PTGIS: variants seen among roughly 807,000 people sequenced by gnomAD.
PTGIS encodes prostacyclin synthase.
In PTGIS, 45 loss-of-function variants were observed where a neutral mutation model predicts 50.3. The ratio of observed to expected loss-of-function variants is 0.90; its 90% confidence interval spans 0.70 to 1.15. The LOEUF (loss-of-function observed/expected upper bound fraction) is 1.15, where lower values mean the gene tolerates loss of function less well. PTGIS is among the 50% of genes most tolerant of loss of function. The pLI is 0.00. For synonymous variants in PTGIS, 260 were observed against 267.7 expected (o/e 0.97, Z 0.28); for missense variants, 668 against 661.3 (o/e 1.01, Z -0.11).
At chr20:49,533,331 C>T (rs1601190207) in intron 5 of PTGIS, among the ~76,000 whole-genome samples, 2 of 152,008 alleles carry the variant, frequency 1.3e-5, no homozygotes, top group Non-Finnish European at 2.9e-5. Context: ...AAACAATGTT[C>T]AAATAAACAG....
chr20:49,541,210 C>T (rs944246881), intron 4 of PTGIS, among the ~76,000 whole-genome samples: 4 of 152,162 alleles, frequency 2.6e-5, no homozygotes, highest in East Asian at 3.9e-4. Flanking sequence ...GGCTGACCTG[C>T]GGTCCCACCT....
At chr20:49,558,137 C>T (rs1982665782) in intron 1 of PTGIS, among the ~76,000 whole-genome samples, 1 of 152,024 alleles carries the variant, frequency 6.6e-6, no homozygotes, top group Non-Finnish European at 1.5e-5. Flanking sequence ...GCCTATAATC[C>T]CAACACTCTG....
At chr20:49,520,136 C>T (rs1173112716) in intron 6 of PTGIS, among the ~76,000 whole-genome samples, 1 of 152,206 alleles carries the variant, frequency 6.6e-6, no homozygotes, top group Non-Finnish European at 1.5e-5. Flanking sequence ...GGCAGCTCTG[C>T]CTCCCCACCG....
At chr20:49,546,451 C>T (rs1262367920) in intron 3 of PTGIS, among the ~76,000 whole-genome samples, 1 of 152,226 alleles carries the variant, frequency 6.6e-6, no homozygotes, top group East Asian at 1.9e-4. Flanking sequence ...GGCCTTGCTT[C>T]AGCCTTAACT....
rs1413448589 is a variant in PTGIS, at chr20:49,539,795, T to C, written c.522-74A>G. On this transcript the variant is annotated intron_variant, in intron 4 of 9. Transcript: ENST00000244043. ...GTGGCCACAGCTACTCACAAGAGCT[T>C]CATTCATACACCCAGTGAGCAACTA... 5 of 1,530,494 alleles carry C rather than the reference T, an allele frequency of 3.3e-6. No individual in the cohort carries two copies. In the African/African-American group the frequency reaches 5.5e-5, roughly 17 times the overall value. The allele number at this position is 1,530,494 out of a possible 1,614,324, so 94.8% of individuals were successfully genotyped here.
intron 1 of PTGIS, among the ~76,000 whole-genome samples, chr20:49,567,696 C>G (rs967232858): frequency 2.1e-4 from 32 of 152,212 alleles, no homozygotes; most frequent in Non-Finnish European, 2.8e-4. Flanking sequence ...TGTCCCCGCA[C>G]GGCTCCCCAC....
At chr20:49,550,032 T>C (rs1479647343) in intron 2 of PTGIS, 34 bp downstream of exon 2, 3 of 1,613,788 alleles carry the variant, frequency 1.9e-6, no homozygotes, top group South Asian at 2.2e-5. Context: ...CAGCTGCTCA[T>C]CCCCATCCCT....
chr20:49,562,057 G>A (rs1982791458), intron 1 of PTGIS, among the ~76,000 whole-genome samples: 1 of 152,118 alleles, frequency 6.6e-6, no homozygotes, highest in East Asian at 1.9e-4. Context: ...TTTTACAGAG[G>A]AGGAAACTGA....
intron 5 of PTGIS, among the ~76,000 whole-genome samples, chr20:49,537,286 G>A (rs1194299772): frequency 1.3e-5 from 2 of 152,172 alleles, no homozygotes; most frequent in Non-Finnish European, 2.9e-5. Context: ...GGTTCCTACG[G>A]CCCCTGCACA....
intron 6 of PTGIS, 24 bp from the exon 7 acceptor site, chr20:49,514,419 A>G: frequency 1.2e-6 from 2 of 1,611,274 alleles, no homozygotes; most frequent in Non-Finnish European, 1.7e-6. Context: ...GGCCCCTGTT[A>G]TGCCATTATG....
chr20:49,527,269 A>G (rs1034174375), intron 5 of PTGIS, among the ~76,000 whole-genome samples: 8 of 146,322 alleles, frequency 5.5e-5, no homozygotes, highest in Non-Finnish European at 1.2e-4. Context: ...ACATGGTGAA[A>G]CCCTGTCTCT....
At chr20:49,531,221 A>C (rs1397819751) in intron 5 of PTGIS, among the ~76,000 whole-genome samples, 1 of 152,190 alleles carries the variant, frequency 6.6e-6, no homozygotes, top group Non-Finnish European at 1.5e-5. Flanking sequence ...CAAACCCCCC[A>C]AAAATAATTT....
At chr20:49,532,797 C>A (rs909049224) in intron 5 of PTGIS, among the ~76,000 whole-genome samples, 1 of 152,224 alleles carries the variant, frequency 6.6e-6, no homozygotes, top group African/African-American at 2.4e-5. Flanking sequence ...CACTTTGCAT[C>A]TCTGAGCCTC....
In PTGIS at chr20:49,548,014, C is replaced by G. The variant is rs747468355; in HGVS notation, c.204G>C (p.Leu68=). The stretch of plus-strand genomic sequence containing the variant: ...GAACGGTGACATACCTGCCCCCAAC[C>G]AGTATCTGTGGGAAGTTGCCAGGGA... ...KEKHGDIFTI[L]VGGRYVTVLL... The change falls in exon 3 of 10, where the codon CTG becomes CTC. Residue 68 remains leucine (L), a synonymous_variant. Coordinates refer to ENST00000244043, the MANE Select transcript of PTGIS (RefSeq NM_000961.4). The G allele has an allele frequency of 3.7e-6, 6 of 1,613,760 alleles. No individual in the cohort carries two copies. In the East Asian group the frequency reaches 1.3e-4, roughly 36 times the overall value.
intron 1 of PTGIS, among the ~76,000 whole-genome samples, chr20:49,565,013 C>T (rs1379304038): frequency 8.0e-5 from 12 of 150,858 alleles, no homozygotes; most frequent in Non-Finnish European, 1.3e-4. Context: ...CTCTGTCGCC[C>T]AGGCTGGAGT....
chr20:49,507,962 C>G lies in PTGIS; in HGVS notation c.1461G>C (p.Gln487His), dbSNP rs1981199786. 6.2e-7 allele frequency: 1 copy of G among 1,613,638 alleles called. No homozygotes were observed. The highest frequency in any genetic ancestry group is 8.5e-7 in the Non-Finnish European group (1 of 1,180,042). ...AGCGGACGGGCACGTCGTGTTCCGG[C>G]TGCATCAGACCGAAGCCGTACCTGC... ...DLSRYGFGLM[Q>H]PEHDVPVRYR... Residue 487 changes from glutamine (Q) to histidine (H), a missense_variant, in exon 10 of 10, where the codon CAG becomes CAC. Transcript: ENST00000244043.
intron 8 of PTGIS, among the ~76,000 whole-genome samples, chr20:49,512,677 A>T (rs1981357267): frequency 6.6e-6 from 1 of 152,168 alleles, no homozygotes; most frequent in Non-Finnish European, 1.5e-5. Flanking sequence ...AAATAAGGAA[A>T]ATGGCTGAGC....
At chr20:49,526,909 A>G (rs1981806703) in intron 5 of PTGIS, among the ~76,000 whole-genome samples, 1 of 152,230 alleles carries the variant, frequency 6.6e-6, no homozygotes, top group South Asian at 2.1e-4. Flanking sequence ...TGTGAAAAAG[A>G]GTTTAGCAGT....
intron 1 of PTGIS, among the ~76,000 whole-genome samples, chr20:49,551,742 GTATGTGTGTGTGTT>G (rs973619542): frequency 1.3e-5 from 2 of 151,326 alleles, no homozygotes; most frequent in African/African-American, 2.4e-5. Flanking sequence ...CAGTGTTTAT[GTATGTGTGTGTGTT>G]TATGTGTGTG....
Sources: allele counts gnomAD v4.1 joint callset (sites outside exome capture counted in the v4.1 genomes callset), GRCh38; gene constraint gnomAD v4.1.1; transcripts MANE v1.5; gene names NCBI Gene and HGNC (gene_info 2026-07-23, HGNC 2026-07-21).